The following LARS1 variants were observed in gnomAD, a reference collection of about 807,000 sequenced individuals.
The protein encoded by LARS1 is leucyl-tRNA synthetase 1, also known as leucine--tRNA ligase, cytoplasmic.
Under a neutral mutation model 162.8 loss-of-function variants are expected in LARS1, and 100 were observed. That is an observed-to-expected ratio of 0.61 (90% CI 0.52 to 0.73). LARS1 has a LOEUF of 0.73. Among genes scored for constraint, LARS1 ranks in the 30% least tolerant of loss-of-function variants. LARS1 has a pLI of 0.00. For synonymous variants in LARS1, 457 were observed against 462.8 expected (o/e 0.99, Z 0.16); for missense variants, 1,258 against 1,408.9 (o/e 0.89, Z 1.71).
chr5:146,147,113 G>A (rs1753045878), intron 15 of LARS1, among the ~76,000 whole-genome samples: 1 of 152,114 alleles, frequency 6.6e-6, no homozygotes, highest in African/African-American at 2.4e-5. Flanking sequence ...GAGTCGCCAA[G>A]GCCCAAATGG....
At position 146,177,645 on chromosome 5, in the gene LARS1, T is replaced by C. The variant is rs747735260; in HGVS notation, c.27A>G (p.Lys9=). ...TCTCAATCTTCTTCAAAAAGTCCAC[T>C]TTGGCTGTTCCTTTTCTTTCCTATT... MAERKGTA[K]VDFLKKIEKE... Residue 9 remains lysine, a synonymous_variant, in exon 2 of 32, where the codon AAA becomes AAG. Coordinates refer to ENST00000394434, the MANE Select transcript of LARS1 (RefSeq NM_020117.11). 6.3e-7 allele frequency: 1 copy of C among 1,597,694 alleles called. No homozygotes were observed.
chr5:146,140,317 G>A, intron 20 of LARS1, 56 bp from the exon 21 acceptor site: 1 of 1,459,388 alleles, frequency 6.9e-7, no homozygotes, highest in Non-Finnish European at 9.6e-7. Context: ...GATAGTTCTG[G>A]CTTAAAATTT....
chr5:146,167,970 C>T (rs1039949404), intron 5 of LARS1, among the ~76,000 whole-genome samples, 158 bp downstream of exon 5: 1 of 152,244 alleles, frequency 6.6e-6, no homozygotes, highest in African/African-American at 2.4e-5. Flanking sequence ...AGGCTTGAGC[C>T]ACCGCGCCTG....
chr5:146,152,111 A>AT, intron 13 of LARS1, 109 bp from the exon 14 acceptor site: 1 of 1,157,106 alleles, frequency 8.6e-7, no homozygotes, highest in Middle Eastern at 2.0e-4. Flanking sequence ...CAGATTGTAT[A>AT]TGTCATTACG....
At position 146,113,854 on chromosome 5, in the gene LARS1, CA is replaced by C; in HGVS notation, c.*251del. ...AAAACCAGAAACTTCTAGGAAATAG[CA>C]ACAATTTGTTTTTTAAAAAGAGTTT... On this transcript the variant is annotated 3_prime_UTR_variant, in exon 32 of 32. Coordinates refer to ENST00000394434, the MANE Select transcript of LARS1 (RefSeq NM_020117.11). 2.2e-6 allele frequency: 1 copy of C among 447,868 alleles called. No individual in the cohort carries two copies. The highest frequency in any genetic ancestry group is 4.0e-6 in the Non-Finnish European group (1 of 249,828). The allele number at this position is 447,868 out of a possible 1,614,324, so 27.7% of individuals were successfully genotyped here.
Position 146,114,065 on chromosome 5 carries a change from T to C in LARS1, c.*41A>G, listed in dbSNP as rs768857847. On this transcript the variant is annotated 3_prime_UTR_variant, in exon 32 of 32. Coordinates refer to ENST00000394434, the MANE Select transcript of LARS1 (RefSeq NM_020117.11). ...TCAGTAGACACAATCAGAGTAGTAG[T>C]ATTCCTAAGAAACCAGGATAAATCT... The C allele has an allele frequency of 4.8e-6, 7 of 1,459,532 alleles. No individual in the cohort carries two copies. In the Admixed American group the frequency reaches 6.7e-5, roughly 14 times the overall value. The allele number at this position is 1,459,532 out of a possible 1,614,324, so 90.4% of individuals were successfully genotyped here. A position where few individuals can be genotyped will look rare whatever the true frequency, so the allele number is the denominator to read the frequency against.
intron 6 of LARS1, among the ~76,000 whole-genome samples, chr5:146,160,764 C>T (rs1490806463): frequency 6.6e-6 from 1 of 152,094 alleles, no homozygotes; most frequent in African/African-American, 2.4e-5. Flanking sequence ...CCTAAATATT[C>T]AAGTTAAACT....
chr5:146,141,647 TAAAC>T (rs1752782364), intron 20 of LARS1, among the ~76,000 whole-genome samples: 1 of 150,942 alleles, frequency 6.6e-6, no homozygotes, highest in African/African-American at 2.4e-5. Context: ...CTACAAAAAA[TAAAC>T]AAAATTAGCC....
At chr5:146,171,455 T>C (rs1267572168) in intron 4 of LARS1, among the ~76,000 whole-genome samples, 3 of 152,242 alleles carry the variant, frequency 2.0e-5, no homozygotes, top group African/African-American at 7.2e-5. Flanking sequence ...AGGAATCCTT[T>C]CAACTCTAGT....
At chr5:146,166,135 T>G (rs1753994313) in intron 5 of LARS1, among the ~76,000 whole-genome samples, 1 of 152,174 alleles carries the variant, frequency 6.6e-6, no homozygotes, top group Non-Finnish European at 1.5e-5. Flanking sequence ...GGCCATAGTT[T>G]CTGAACACCA....
intron 21 of LARS1, chr5:146,137,821 C>G: frequency 3.7e-6 from 1 of 272,506 alleles, no homozygotes; most frequent in South Asian, 3.4e-5. Flanking sequence ...GAACACACAG[C>G]TCTTCTTAAA....
Position 146,159,362 on chromosome 5 carries a change from T to C in LARS1, c.771+45A>G, listed in dbSNP as rs375603740. 1.1e-5 allele frequency: 16 copies of C among 1,444,380 alleles called. No individual in the cohort carries two copies. In the African/African-American group the frequency reaches 2.3e-4, roughly 20 times the overall value. 89.5% of individuals were successfully genotyped at this position (1,444,380 alleles called of 1,614,324 possible). On this transcript the variant is annotated intron_variant, in intron 8 of 31. Transcript: ENST00000394434. ...TTCTATTTCTTAAACTCTATAGTCTTATTAAGGATTATTATAATAGCTACT... is the reference window on the plus strand; with the variant it reads ...TTCTATTTCTTAAACTCTATAGTCTCATTAAGGATTATTATAATAGCTACT...
chr5:146,142,719 C>T (rs1752838520), intron 20 of LARS1, 153 bp downstream of exon 20: 1 of 597,380 alleles, frequency 1.7e-6, no homozygotes, highest in Non-Finnish European at 2.9e-6. Context: ...TAGGAGGTGG[C>T]CTTTCTGCTT....
At chr5:146,174,350 C>G (rs1754412731) in intron 2 of LARS1, among the ~76,000 whole-genome samples, 1 of 148,486 alleles carries the variant, frequency 6.7e-6, no homozygotes, top group Non-Finnish European at 1.5e-5. Context: ...GAGGCTGAGG[C>G]AGGAGAATCG....
At position 146,126,418 on chromosome 5, in the gene LARS1, T is replaced by C; in HGVS notation, c.2991+17A>G. The C allele has an allele frequency of 6.6e-7, 1 of 1,510,394 alleles. No individual in the cohort carries two copies. The highest frequency in any genetic ancestry group is 9.2e-7 in the Non-Finnish European group (1 of 1,086,562). 93.6% of individuals were successfully genotyped at this position (1,510,394 alleles called of 1,614,324 possible). ...CATTGCTCATGTGGTCACAGCTGCATAAGGTCCACAGCTTACCTTAATCAT... is the reference window on the plus strand; with the variant it reads ...CATTGCTCATGTGGTCACAGCTGCACAAGGTCCACAGCTTACCTTAATCAT... On this transcript the variant is annotated intron_variant, in intron 28 of 31. Coordinates refer to ENST00000394434, the MANE Select transcript of LARS1 (RefSeq NM_020117.11).
chr5:146,181,848 C>CTTTTTTT lies in LARS1; in HGVS notation c.6+633_6+639dup, dbSNP rs34658033. On this transcript the variant is annotated intron_variant, in intron 1 of 31. Coordinates refer to ENST00000394434, the MANE Select transcript of LARS1 (RefSeq NM_020117.11). ...TTTACGGAGAGGCGCTCAATTTTTT[C>CTTTTTTT]TTTTTTTTTTTTTTTTTTTTTTTTT... 5.5e-3 allele frequency among the ~76,000 whole-genome samples: 290 copies of CTTTTTTT among 53,040 alleles called. 79 individuals are homozygous for CTTTTTTT. The highest frequency in any genetic ancestry group is 0.016 in the East Asian group (17 of 1,066). 34.8% of individuals were successfully genotyped at this position (53,040 alleles called of 152,430 possible). A position where few individuals can be genotyped will look rare whatever the true frequency, so the allele number is the denominator to read the frequency against.
chr5:146,143,400 CTGTT>C lies in LARS1; in HGVS notation c.1877+8_1877+11del. On this transcript the variant is annotated splice_region_variant and intron_variant, in intron 19 of 31. Coordinates refer to ENST00000394434, the MANE Select transcript of LARS1 (RefSeq NM_020117.11). ...GACAAATTATGCTCCTTTCCCTTAT[CTGTT>C]TACCAACCTAATGCCCAGCGGAGAC... 6.2e-7 allele frequency: 1 copy of C among 1,606,418 alleles called. No homozygotes were observed. The highest frequency in any genetic ancestry group is 8.5e-7 in the Non-Finnish European group (1 of 1,175,254).
chr5:146,170,721 G>C (rs968096366), intron 4 of LARS1, among the ~76,000 whole-genome samples: 1 of 151,806 alleles, frequency 6.6e-6, no homozygotes, highest in Non-Finnish European at 1.5e-5. Flanking sequence ...AGGGCTAGGC[G>C]TGGTGGCTCA....
intron 6 of LARS1, among the ~76,000 whole-genome samples, chr5:146,161,360 A>T (rs35421875): frequency 0.22 from 33,875 of 151,864 alleles, 4,834 homozygotes; most frequent in Admixed American, 0.34. Flanking sequence ...ACATCCATTG[A>T]CTCTTCCTTT....
Sources: gnomAD v4.1 joint callset for allele counts (sites outside exome capture counted in the v4.1 genomes callset) on GRCh38, gnomAD v4.1.1 for gene constraint, MANE v1.5 for transcripts, NCBI Gene and HGNC (gene_info 2026-07-23, HGNC 2026-07-21) for gene names.